Variants in PCNT observed in about 807,000 individuals in gnomAD.
PCNT encodes kendrin.
Under a neutral mutation model 380.4 loss-of-function variants are expected in PCNT, and 319 were observed. The ratio of observed to expected loss-of-function variants is 0.84; its 90% confidence interval spans 0.77 to 0.92. The LOEUF (loss-of-function observed/expected upper bound fraction) is 0.92. PCNT is among the 40% of genes least tolerant of loss of function. The pLI is 0.00. For synonymous variants in PCNT, 1,845 were observed against 1,735.2 expected, an observed-to-expected ratio of 1.06 and a Z score of -1.57; for missense variants, 4,400 against 4,255.3, an observed-to-expected ratio of 1.03 and a Z score of -0.95.
In PCNT at chr21:46,416,794, C is replaced by G. The variant is rs761995771; in HGVS notation, c.6876C>G (p.Ala2292=). The G allele has an allele frequency of 6.2e-7, 1 of 1,600,650 alleles. No individual in the cohort carries two copies. Among genetic ancestry groups the G allele is most frequent in the South Asian group, 1.1e-5 (1 of 90,868 alleles). The change falls in exon 30 of 47, where the codon GCC becomes GCG. Residue 2292 remains alanine (A), a synonymous_variant. Transcript: ENST00000359568. The part of the protein sequence containing the change: ...VSAAALALQW[A]ESPPADDHHV... ...CAGCAGCGCTGGCACTGCAGTGGGC[C>G]GAGTCTCCGCCGGCTGACGACCACC...
Position 46,416,743 on chromosome 21 carries a change from G to A in PCNT, c.6825G>A (p.Gly2275=). The A allele has an allele frequency of 6.3e-7, 1 of 1,599,422 alleles. No homozygotes were observed. Reference sequence around the variant, plus strand: ...CGCTGCCACAGACCCAGGGGCCGGGGCTGCTTTGTTCCCCAGGCGTGTCTG... The same window carrying A: ...CGCTGCCACAGACCCAGGGGCCGGGACTGCTTTGTTCCCCAGGCGTGTCTG... ...DTSLPQTQGP[G]LLCSPGVSAA... Residue 2275 remains glycine, a synonymous_variant, in exon 30 of 47, where the codon GGG becomes GGA. Coordinates refer to ENST00000359568, the MANE Select transcript of PCNT (RefSeq NM_006031.6).
In PCNT at chr21:46,440,962, A is replaced by G; in HGVS notation, c.9501A>G (p.Glu3167=). The G allele has an allele frequency of 6.2e-7, 1 of 1,613,300 alleles. No homozygotes were observed. The highest frequency in any genetic ancestry group is 8.5e-7 in the Non-Finnish European group (1 of 1,179,186). Residue 3167 remains glutamate, a synonymous_variant, in exon 43 of 47, where the codon GAA becomes GAG. Coordinates refer to ENST00000359568, the MANE Select transcript of PCNT (RefSeq NM_006031.6). The stretch of plus-strand genomic sequence containing the variant: ...TGATTGGTGGATTCCAGGATTCTGA[A>G]CAAGAAACACTCTCCATGATTGCCC... The part of the protein sequence containing the change: ...LLLIGGFQDS[E]QETLSMIAHL...
intron 30 of PCNT, 50 bp downstream of exon 30, chr21:46,416,889 C>G (rs375214159): frequency 6.4e-7 from 1 of 1,569,982 alleles, no homozygotes; most frequent in African/African-American, 1.3e-5. Flanking sequence ...GGAATGTGGT[C>G]TGCCCGGCGC....
chr21:46,355,556 CAG>C lies in PCNT; in HGVS notation c.1868_1869del (p.Arg623MetfsTer18). The C allele has an allele frequency of 6.2e-7, 1 of 1,614,186 alleles. No homozygotes were observed. Among genetic ancestry groups the C allele is most frequent in the Non-Finnish European group, 8.5e-7 (1 of 1,180,034 alleles). On this transcript the variant is annotated frameshift_variant, in exon 12 of 47. Coordinates refer to ENST00000359568, the MANE Select transcript of PCNT (RefSeq NM_006031.6). LOFTEE classifies it high-confidence loss of function. ...CIQHEGHVSD[R>X]CCVETSALGH... Reference sequence around the variant, plus strand: ...TCCAGCACGAGGGGCATGTCTCAGACAGATGCTGCGTAGAGACTTCAGCATTG... The same window carrying C: ...TCCAGCACGAGGGGCATGTCTCAGACATGCTGCGTAGAGACTTCAGCATTG...
At chr21:46,386,088 C>T in intron 17 of PCNT, 105 bp downstream of exon 17, 1 of 1,359,732 alleles carries the variant, frequency 7.4e-7, no homozygotes, top group South Asian at 1.2e-5. Context: ...GCTGCTGCCA[C>T]CATGCACGCT....
chr21:46,352,632 A>G (rs569767023), intron 9 of PCNT, among the ~76,000 whole-genome samples: 4 of 152,282 alleles, frequency 2.6e-5, no homozygotes, highest in Admixed American at 2.0e-4. Flanking sequence ...CTGTGTAACA[A>G]ATTATCACAA....
chr21:46,365,721 T>C lies in PCNT; in HGVS notation c.2610-863T>C, dbSNP rs112409477. 5.9e-3 allele frequency among the ~76,000 whole-genome samples: 657 copies of C among 111,704 alleles called. 2 individuals are homozygous for C. Among genetic ancestry groups the C allele is most frequent in the Middle Eastern group, 0.017 (2 of 120 alleles). 73.3% of individuals were successfully genotyped at this position (111,704 alleles called of 152,430 possible). A position where few individuals can be genotyped will look rare whatever the true frequency, so the allele number is the denominator to read the frequency against. ...ACTGCTGTGGGGTTCTGTTCACTGC[T>C]GTGGGGTTCTATTCACTGCCGTGGG... On this transcript the variant is annotated intron_variant, in intron 14 of 46. Coordinates refer to ENST00000359568, the MANE Select transcript of PCNT (RefSeq NM_006031.6).
intron 41 of PCNT, among the ~76,000 whole-genome samples, chr21:46,438,581 G>A (rs2148065259): frequency 6.6e-6 from 1 of 152,148 alleles, no homozygotes; most frequent in Non-Finnish European, 1.5e-5. Flanking sequence ...ACCGCTACTT[G>A]ATGTTTGGTG....
rs1428800850 is a variant in PCNT, at chr21:46,425,877, T to C, written c.7226T>C (p.Leu2409Pro). Residue 2409 changes from leucine (L) to proline (P), a missense_variant, in exon 33 of 47, where the codon CTG (leucine) becomes CCG (proline). Leu to Pro is a moderately conservative substitution (Grantham distance 98). Coordinates refer to ENST00000359568, the MANE Select transcript of PCNT (RefSeq NM_006031.6). The surrounding 1 kb of genome is among the most constrained non-coding windows in gnomAD (Gnocchi z 4.2). ...GACGAGAGCCACCAGATCCTGGCGC[T>C]GTCAGAAGGCCTTGCACCCCCAAGC... The part of the protein sequence containing the change: ...VRDESHQILA[L>P]SEGLAPPSGE... 1 of 1,613,670 alleles carries C rather than the reference T, an allele frequency of 6.2e-7. No homozygotes were observed. The highest frequency in any genetic ancestry group is 8.5e-7 in the Non-Finnish European group (1 of 1,180,016).
At chr21:46,381,382 T>C (rs1275046248) in intron 15 of PCNT, among the ~76,000 whole-genome samples, 1 of 152,168 alleles carries the variant, frequency 6.6e-6, no homozygotes, top group East Asian at 1.9e-4. Context: ...GTGAACTTCT[T>C]AGTGTGACTC....
chr21:46,422,107 C>G lies in PCNT; in HGVS notation c.7162C>G (p.Arg2388Gly), dbSNP rs201562329. ...GGAAGCCATGAAGGAGAAGGAAGTG[C>G]GTCCGAAGCACGTGAAGGTATGGCT... is the stretch of plus-strand genomic sequence containing the variant. Reference protein sequence around the residue: ...LPEAMKEKEVRPKHVKALLQM... With the variant: ...LPEAMKEKEVGPKHVKALLQM... Residue 2388 changes from arginine (R) to glycine (G), a missense_variant, in exon 32 of 47, where the codon CGT becomes GGT. By Grantham distance (125) the Arg-to-Gly change is moderately radical. Coordinates refer to ENST00000359568, the MANE Select transcript of PCNT (RefSeq NM_006031.6). 5 of 1,613,780 alleles carry G rather than the reference C, an allele frequency of 3.1e-6. No homozygotes were observed. The Admixed American group carries it at 6.7e-5, about 22-fold the overall frequency.
chr21:46,408,447 G>T (rs2086683822), intron 27 of PCNT, among the ~76,000 whole-genome samples: 1 of 152,196 alleles, frequency 6.6e-6, no homozygotes, highest in South Asian at 2.1e-4. Context: ...TCATGTGTAA[G>T]TATATATTTA....
intron 14 of PCNT, among the ~76,000 whole-genome samples, chr21:46,365,697 C>T (rs530072018): frequency 6.9e-6 from 1 of 144,854 alleles, no homozygotes; most frequent in Non-Finnish European, 1.5e-5. Flanking sequence ...GTTCTCCTCA[C>T]TGCTGTGGGG....
chr21:46,383,429 A>G (rs1294745886), intron 16 of PCNT, among the ~76,000 whole-genome samples: 1 of 145,016 alleles, frequency 6.9e-6, no homozygotes, highest in Non-Finnish European at 1.5e-5. Context: ...TCAGTGGCAG[A>G]AGCGCATTCA....
In PCNT at chr21:46,413,053, G is replaced by T. The variant is rs1238842375; in HGVS notation, c.6150+61G>T. 5 of 1,504,428 alleles carry T rather than the reference G, an allele frequency of 3.3e-6. No individual in the cohort carries two copies. In the Admixed American group the frequency reaches 8.7e-5, roughly 26 times the overall value. 93.2% of individuals were successfully genotyped at this position (1,504,428 alleles called of 1,614,324 possible). On this transcript the variant is annotated intron_variant, in intron 29 of 46. Coordinates refer to ENST00000359568, the MANE Select transcript of PCNT (RefSeq NM_006031.6). ...GAGAGGCTGGACACGCGGCAGCAAGGTGTGGGGAGCGGGGAAGGCACGAGG... is the reference window on the plus strand; with the variant it reads ...GAGAGGCTGGACACGCGGCAGCAAGTTGTGGGGAGCGGGGAAGGCACGAGG...
chr21:46,423,806 G>A (rs1371840814), intron 32 of PCNT, among the ~76,000 whole-genome samples: 1 of 88,894 alleles, frequency 1.1e-5, no homozygotes, highest in Non-Finnish European at 2.4e-5. Context: ...GAAGAGAAGG[G>A]GGAGTGGGAG....
intron 16 of PCNT, among the ~76,000 whole-genome samples, chr21:46,384,910 T>G (rs1167448115): frequency 1.3e-5 from 2 of 152,204 alleles, no homozygotes; most frequent in African/African-American, 4.8e-5. Context: ...ATTCATGGTG[T>G]TGTGCGTAGT....
chr21:46,375,844 G>C (rs1197982944), intron 15 of PCNT, among the ~76,000 whole-genome samples: 1 of 152,256 alleles, frequency 6.6e-6, no homozygotes, highest in East Asian at 1.9e-4. Flanking sequence ...CCGAAGGCCT[G>C]AGAGTGTGCA....
At chr21:46,417,184 C>CT (rs71318076) in intron 30 of PCNT, among the ~76,000 whole-genome samples, 22,136 of 73,170 alleles carry the variant, frequency 0.3, 4,333 homozygotes, top group East Asian at 0.41. Context: ...GGAATGCTTC[C>CT]TTTTTTTTTT....
Sources: gnomAD v4.1 joint callset for allele counts (sites outside exome capture counted in the v4.1 genomes callset) on GRCh38, gnomAD v4.1.1 for gene constraint, Gnocchi (gnomAD v3.1) non-coding constraint, MANE v1.5 for transcripts, NCBI Gene and HGNC (gene_info 2026-07-23, HGNC 2026-07-21) for gene names.